WWC2: variants seen among roughly 807,000 people sequenced by gnomAD.
WWC2 encodes the protein WW and C2 domain containing 2.
Under a neutral mutation model 138.5 loss-of-function variants are expected in WWC2, and 101 were observed. That is an observed-to-expected ratio of 0.73 (90% CI 0.62 to 0.86). WWC2 has a LOEUF of 0.86. Ranked by LOEUF, WWC2 falls within the 40% of genes least tolerant of loss-of-function variation. The pLI, the probability that WWC2 is intolerant of heterozygous loss-of-function variation, is 0.00. For missense variants in WWC2, 1,420 were observed against 1,419.4 expected, an observed-to-expected ratio of 1.00 and a Z score of -0.01; for synonymous variants, 558 against 538.4, an observed-to-expected ratio of 1.04 and a Z score of -0.50.
intron 1 of WWC2, among the ~76,000 whole-genome samples, chr4:183,192,909 G>C (rs1004212885): frequency 1.3e-5 from 2 of 152,144 alleles, no homozygotes; most frequent in African/African-American, 4.8e-5. Context: ...TTAGGAAACT[G>C]TGTGGTTTCT....
chr4:183,319,994 A>G lies in WWC2; in HGVS notation c.*4265A>G, dbSNP rs150990141. The G allele has an allele frequency of 9.6e-4, 1,550 of 1,613,802 alleles. 15 individuals are homozygous for G. In the African/African-American group the frequency reaches 0.019, roughly 19 times the overall value. On this transcript the variant is annotated 3_prime_UTR_variant, in exon 23 of 23. Transcript: ENST00000403733. The stretch of plus-strand genomic sequence containing the variant: ...TTAAGATCCTGGAGACCCTGAGTTC[A>G]GCAGGCAAAGCCAGGAAGGAGTCAA...
At chr4:183,110,831 G>A (rs1275795610) in intron 1 of WWC2, among the ~76,000 whole-genome samples, 1 of 152,198 alleles carries the variant, frequency 6.6e-6, no homozygotes, top group African/African-American at 2.4e-5. Context: ...CCTGCTGCAT[G>A]TGCAGTGTTG....
rs187721723 is a variant in WWC2, at chr4:183,169,006, G to A, written c.132-24593G>A. 5.3e-3 allele frequency among the ~76,000 whole-genome samples: 804 copies of A among 152,076 alleles called. 5 individuals carry two copies. Among genetic ancestry groups the A allele is most frequent in the Middle Eastern group, 6.8e-3 (2 of 294 alleles). ...TGGTATTACAGGCGTGCACCACCAC[G>A]CCCGGCTAATTTTCTGTTTTTAGTA... is the stretch of plus-strand genomic sequence containing the variant. On this transcript the variant is annotated intron_variant, in intron 1 of 22. Transcript: ENST00000403733.
chr4:183,185,568 T>G (rs1734766622), intron 1 of WWC2, among the ~76,000 whole-genome samples: 1 of 152,232 alleles, frequency 6.6e-6, no homozygotes, highest in Non-Finnish European at 1.5e-5. Context: ...ATTTTTCAAT[T>G]TTTTGGCCCT....
At chr4:183,213,936 A>C (rs918701102) in intron 4 of WWC2, among the ~76,000 whole-genome samples, 12 of 152,254 alleles carry the variant, frequency 7.9e-5, no homozygotes, top group Non-Finnish European at 1.3e-4. Context: ...AAAAAAAAAA[A>C]AACACAATAC....
intron 1 of WWC2, among the ~76,000 whole-genome samples, chr4:183,153,817 G>A (rs1733715729): frequency 6.6e-6 from 1 of 151,092 alleles, no homozygotes; most frequent in Non-Finnish European, 1.5e-5. Context: ...AGCTAATTTT[G>A]TATTTTTTAT....
chr4:183,202,054 C>A (rs983818933), intron 2 of WWC2, among the ~76,000 whole-genome samples: 9 of 152,010 alleles, frequency 5.9e-5, no homozygotes, highest in African/African-American at 2.2e-4. Flanking sequence ...TGGCCCAGAG[C>A]CTGTATTGTG....
At chr4:183,182,935 G>T (rs541436442) in intron 1 of WWC2, among the ~76,000 whole-genome samples, 1 of 152,220 alleles carries the variant, frequency 6.6e-6, no homozygotes, top group South Asian at 2.1e-4. Flanking sequence ...TTTTCTTTCT[G>T]CCTTCCTTCC....
chr4:183,310,948 C>T (rs1739193029), intron 21 of WWC2, among the ~76,000 whole-genome samples: 1 of 151,376 alleles, frequency 6.6e-6, no homozygotes, highest in Admixed American at 6.6e-5. Context: ...TTAAACTTCA[C>T]AACTTTGAAA....
intron 2 of WWC2, among the ~76,000 whole-genome samples, chr4:183,195,896 A>G (rs978041346): frequency 6.6e-6 from 1 of 152,124 alleles, no homozygotes; most frequent in African/African-American, 2.4e-5. Flanking sequence ...TCTAAATCTC[A>G]TGCTGAAATG....
chr4:183,173,368 A>AGT (rs1560825349), intron 1 of WWC2, among the ~76,000 whole-genome samples: 24 of 152,070 alleles, frequency 1.6e-4, no homozygotes, highest in African/African-American at 5.8e-4. Flanking sequence ...TTTTCTTTTG[A>AGT]TAGTAACCTG....
At chr4:183,300,341 C>CTTT (rs763942652) in intron 21 of WWC2, among the ~76,000 whole-genome samples, 1 of 136,248 alleles carries the variant, frequency 7.3e-6, no homozygotes, top group African/African-American at 2.7e-5. Flanking sequence ...GCAGGAATTT[C>CTTT]TTTTTTTTTT....
At chr4:183,117,940 A>G (rs1343579618) in intron 1 of WWC2, among the ~76,000 whole-genome samples, 1 of 151,820 alleles carries the variant, frequency 6.6e-6, no homozygotes, top group Non-Finnish European at 1.5e-5. Flanking sequence ...AGCTGGGACT[A>G]TAGGCTCGTG....
chr4:183,112,755 G>A (rs189322034), intron 1 of WWC2, among the ~76,000 whole-genome samples: 1 of 152,024 alleles, frequency 6.6e-6, no homozygotes, highest in Admixed American at 6.6e-5. Context: ...TAATAGTGTC[G>A]GTGGGAGCTG....
intron 1 of WWC2, among the ~76,000 whole-genome samples, chr4:183,189,690 C>A (rs1580036134): frequency 6.6e-6 from 1 of 152,312 alleles, no homozygotes; most frequent in Middle Eastern, 3.4e-3. Context: ...ACAGCAGATG[C>A]TACAAAGTAA....
chr4:183,157,781 G>C (rs887573661), intron 1 of WWC2, among the ~76,000 whole-genome samples: 2 of 151,502 alleles, frequency 1.3e-5, no homozygotes, highest in Admixed American at 1.3e-4. Flanking sequence ...AATTACAGAC[G>C]TGAGCCACCG....
intron 21 of WWC2, among the ~76,000 whole-genome samples, chr4:183,308,735 ATG>A (rs1560898395): frequency 6.6e-6 from 1 of 152,204 alleles, no homozygotes. Flanking sequence ...TTTAAATACT[ATG>A]TAAATAATTG....
chr4:183,170,174 T>C (rs1321894186), intron 1 of WWC2, among the ~76,000 whole-genome samples: 1 of 152,212 alleles, frequency 6.6e-6, no homozygotes, highest in Non-Finnish European at 1.5e-5. Context: ...ACAGTTATTG[T>C]GCCGTTGGCC....
intron 16 of WWC2, among the ~76,000 whole-genome samples, chr4:183,275,008 A>C (rs1737803669): frequency 6.6e-6 from 1 of 152,176 alleles, no homozygotes; most frequent in South Asian, 2.1e-4. Context: ...GCATTAGAAC[A>C]GCAGAACTTA....
Sources: gnomAD v4.1 joint callset for allele counts (sites outside exome capture counted in the v4.1 genomes callset) on GRCh38, gnomAD v4.1.1 for gene constraint, MANE v1.5 for transcripts, NCBI Gene and HGNC (gene_info 2026-07-23, HGNC 2026-07-21) for gene names.